TRAPPC9: variants seen among roughly 807,000 people sequenced by gnomAD.
TRAPPC9 encodes IKK2 binding protein.
TRAPPC9 carries 83 observed loss-of-function variants against 124.0 expected under a neutral mutation model. That is an observed-to-expected ratio of 0.67 (90% confidence interval 0.56 to 0.80). The LOEUF is 0.80. Ranked by LOEUF, TRAPPC9 falls within the 30% of genes least tolerant of loss-of-function variation. The probability of loss-of-function intolerance (pLI) is 0.00; values close to 1 mark genes in which losing one functional copy is unlikely to be tolerated. For missense variants in TRAPPC9, 1,302 were observed against 1,508.3 expected (o/e 0.86, Z 2.27); for synonymous variants, 638 against 617.5 (o/e 1.03, Z -0.49).
intron 21 of TRAPPC9, among the ~76,000 whole-genome samples, chr8:139,814,983 C>T (rs146309476): frequency 1.8e-3 from 268 of 152,324 alleles, no homozygotes; most frequent in Non-Finnish European, 3.0e-3. Flanking sequence ...AACCCGCATG[C>T]TCCTTGCTGC....
intron 21 of TRAPPC9, among the ~76,000 whole-genome samples, chr8:139,885,269 G>A (rs1829929055): frequency 6.6e-6 from 1 of 152,160 alleles, no homozygotes; most frequent in Non-Finnish European, 1.5e-5. Flanking sequence ...GTGTAGGGTG[G>A]AAGTTCCCAG....
chr8:140,083,156 G>A (rs2130034835), intron 17 of TRAPPC9, among the ~76,000 whole-genome samples: 1 of 151,932 alleles, frequency 6.6e-6, no homozygotes, highest in Non-Finnish European at 1.5e-5. Flanking sequence ...TCGTGCCACT[G>A]CACTCCAGCC....
At chr8:140,266,469 C>CAAA (rs112160277) in intron 15 of TRAPPC9, among the ~76,000 whole-genome samples, 1 of 89,152 alleles carries the variant, frequency 1.1e-5, no homozygotes. Flanking sequence ...TCTAACAAGA[C>CAAA]AAAAAAAAAA....
At chr8:140,426,463 A>C (rs2070427050) in intron 5 of TRAPPC9, 152 bp downstream of exon 5, 1 of 836,778 alleles carries the variant, frequency 1.2e-6, no homozygotes, top group Non-Finnish European at 2.0e-6. Flanking sequence ...CCACCAATCA[A>C]TCATCAAGCT....
chr8:140,236,302 C>T (rs1019556916), intron 16 of TRAPPC9, among the ~76,000 whole-genome samples: 2 of 152,124 alleles, frequency 1.3e-5, no homozygotes, highest in Admixed American at 1.3e-4. Context: ...AGGCTGGTCT[C>T]GAACTTCTGG....
At chr8:140,032,642 T>A (rs1020723160) in intron 17 of TRAPPC9, among the ~76,000 whole-genome samples, 15 of 152,312 alleles carry the variant, frequency 9.8e-5, no homozygotes, top group South Asian at 6.2e-4. Context: ...CCCTAAAAAT[T>A]GGATTCATAG....
intron 16 of TRAPPC9, among the ~76,000 whole-genome samples, chr8:140,234,278 T>C (rs2063678558): frequency 6.6e-6 from 1 of 152,216 alleles, no homozygotes; most frequent in African/African-American, 2.4e-5. Flanking sequence ...CAGAAACCAC[T>C]GTCTTCCATG....
At chr8:140,054,816 A>G (rs1305299058) in intron 17 of TRAPPC9, among the ~76,000 whole-genome samples, 1 of 152,148 alleles carries the variant, frequency 6.6e-6, no homozygotes, top group Non-Finnish European at 1.5e-5. Context: ...ACATCGTAAA[A>G]AAAAAACACA....
intron 18 of TRAPPC9, among the ~76,000 whole-genome samples, chr8:140,019,840 C>A (rs2131896777): frequency 6.6e-6 from 1 of 151,960 alleles, no homozygotes; most frequent in Non-Finnish European, 1.5e-5. Flanking sequence ...GTGTGAGCCA[C>A]CACGCCTGGC....
chr8:140,440,847 C>G (rs1158652505), intron 2 of TRAPPC9, among the ~76,000 whole-genome samples: 4 of 152,168 alleles, frequency 2.6e-5, no homozygotes, highest in Non-Finnish European at 5.9e-5. Context: ...CAGGCTCTAT[C>G]CGCCTCACAA....
At chr8:140,363,887 T>G (rs1015604673) in intron 8 of TRAPPC9, among the ~76,000 whole-genome samples, 2 of 152,134 alleles carry the variant, frequency 1.3e-5, no homozygotes, top group Non-Finnish European at 2.9e-5. Context: ...CGTCAGCCAC[T>G]GCACCCGGCC....
At chr8:140,074,543 A>G (rs1382665192) in intron 17 of TRAPPC9, among the ~76,000 whole-genome samples, 1 of 152,154 alleles carries the variant, frequency 6.6e-6, no homozygotes, top group Admixed American at 6.5e-5. Context: ...GGAAGGATAC[A>G]TGGGGTTCTT....
intron 21 of TRAPPC9, among the ~76,000 whole-genome samples, chr8:139,792,322 T>G (rs1822749730): frequency 6.6e-6 from 1 of 152,126 alleles, no homozygotes; most frequent in African/African-American, 2.4e-5. Context: ...GAAAGAATTA[T>G]CCAGATGGCA....
At chr8:139,996,299 C>G (rs1328630656) in intron 18 of TRAPPC9, among the ~76,000 whole-genome samples, 1 of 150,718 alleles carries the variant, frequency 6.6e-6, no homozygotes, top group Non-Finnish European at 1.5e-5. Flanking sequence ...ATTGACCACC[C>G]AGATCTCACT....
intron 16 of TRAPPC9, among the ~76,000 whole-genome samples, chr8:140,238,822 C>T (rs910435405): frequency 6.6e-6 from 1 of 152,176 alleles, no homozygotes; most frequent in Admixed American, 6.5e-5. Flanking sequence ...GCTGGGGCCA[C>T]GGGGAAAACA....
intron 8 of TRAPPC9, among the ~76,000 whole-genome samples, chr8:140,367,372 T>C (rs2068145738): frequency 6.6e-6 from 1 of 152,198 alleles, no homozygotes; most frequent in Non-Finnish European, 1.5e-5. Context: ...CATATTCTGA[T>C]AGTAGAATAT....
chr8:139,731,106 G>A lies in TRAPPC9; in HGVS notation c.3402C>T (p.Phe1134=). 1.2e-6 allele frequency: 2 copies of A among 1,613,890 alleles called. No individual in the cohort carries two copies. The highest frequency in any genetic ancestry group is 1.1e-5 in the South Asian group (1 of 91,072). Residue 1134 remains phenylalanine, a synonymous_variant, in exon 23 of 23, where the codon TTC becomes TTT. Transcript: ENST00000438773. ...STSKELPPSW[F]CLPSVHVCAL... The stretch of plus-strand genomic sequence containing the variant: ...CACACACGTGCACACTGGGCAGGCA[G>A]AACCAAGAGGGTGGCAGCTCCTTGC...
At chr8:140,453,000 C>CCA (rs767067627) in intron 1 of TRAPPC9, among the ~76,000 whole-genome samples, 1 of 152,124 alleles carries the variant, frequency 6.6e-6, no homozygotes, top group Non-Finnish European at 1.5e-5. Context: ...CATGGCACCA[C>CCA]GGGGGGAAAC....
chr8:140,194,637 G>A (rs761490156), intron 17 of TRAPPC9, among the ~76,000 whole-genome samples: 12 of 152,236 alleles, frequency 7.9e-5, no homozygotes, highest in South Asian at 2.1e-4. Context: ...TAGGGCACTC[G>A]CTGACTGGAA....
Sources: allele counts gnomAD v4.1 joint callset (sites outside exome capture counted in the v4.1 genomes callset), GRCh38; gene constraint gnomAD v4.1.1; transcripts MANE v1.5; gene names NCBI Gene and HGNC (gene_info 2026-07-23, HGNC 2026-07-21).